BTAF1: variants seen among roughly 807,000 people sequenced by gnomAD.
BTAF1 encodes the protein TATA-binding protein-associated factor 172.
A neutral mutation model predicts 227.1 loss-of-function variants in BTAF1; 38 were observed. The observed-to-expected ratio is 0.17, with a 90% CI of 0.13 to 0.22. The LOEUF (loss-of-function observed/expected upper bound fraction) is 0.22, where lower values mean the gene tolerates loss of function less well. Among genes scored for constraint, BTAF1 ranks in the 10% least tolerant of loss-of-function variants. The pLI is 1.00. For synonymous variants in BTAF1, 742 were observed against 751.9 expected (o/e 0.99, Z 0.21); for missense variants, 1,598 against 2,204.0 (o/e 0.73, Z 5.51).
At chr10:91,987,347 G>T (rs1428948056) in intron 19 of BTAF1, among the ~76,000 whole-genome samples, 1 of 152,044 alleles carries the variant, frequency 6.6e-6, no homozygotes, top group Non-Finnish European at 1.5e-5. Context: ...GCCGGGCGTG[G>T]TGGTGGGTGC....
intron 4 of BTAF1, among the ~76,000 whole-genome samples, chr10:91,943,070 T>C (rs1445729558): frequency 6.6e-6 from 1 of 152,158 alleles, no homozygotes; most frequent in African/African-American, 2.4e-5. Flanking sequence ...TCCCAGCACT[T>C]TGAGAGGCCA....
At chr10:91,942,676 T>C in intron 4 of BTAF1, 108 bp downstream of exon 4, 4 of 1,283,692 alleles carry the variant, frequency 3.1e-6, no homozygotes, top group Non-Finnish European at 4.3e-6. Flanking sequence ...TCATGAAATG[T>C]AAATTAACTG....
Position 91,966,725 on chromosome 10 carries a change from ACT to A in BTAF1, c.1621_1622del (p.Leu541ValfsTer21). On this transcript the variant is annotated frameshift_variant, in exon 14 of 38. Transcript: ENST00000265990. LOFTEE classifies it high-confidence loss of function. ...ATCAGTTCGAAGAGCAGCATTGGAA[ACT>A]CTGTTTACGTTATTATCAACACAGG... ...ISSVRRAALE[T>X]LFTLLSTQDQ... 6.2e-7 allele frequency: 1 copy of A among 1,613,770 alleles called. No homozygotes were observed. The highest frequency in any genetic ancestry group is 8.5e-7 in the Non-Finnish European group (1 of 1,179,880).
chr10:91,938,078 G>A (rs1844755237), intron 2 of BTAF1, among the ~76,000 whole-genome samples: 1 of 152,152 alleles, frequency 6.6e-6, no homozygotes, highest in African/African-American at 2.4e-5. Context: ...AAGCAGAGAA[G>A]CAATACATTT....
intron 5 of BTAF1, among the ~76,000 whole-genome samples, chr10:91,951,952 T>A (rs1453662143): frequency 6.6e-6 from 1 of 152,076 alleles, no homozygotes; most frequent in Non-Finnish European, 1.5e-5. Flanking sequence ...TGTTATGATT[T>A]ATTCTTTTTT....
chr10:92,022,672 C>T (rs566191126), intron 34 of BTAF1, among the ~76,000 whole-genome samples: 1 of 152,252 alleles, frequency 6.6e-6, no homozygotes, highest in South Asian at 2.1e-4. Context: ...CCCACATTAG[C>T]ATCCCACAGT....
chr10:91,942,654 T>C (rs1019782952), intron 4 of BTAF1, 86 bp downstream of exon 4: 1 of 1,385,814 alleles, frequency 7.2e-7, no homozygotes, highest in Non-Finnish European at 9.9e-7. Flanking sequence ...TAGTCACACG[T>C]AAACTAACAT....
At chr10:92,004,474 G>A (rs947783418) in intron 25 of BTAF1, among the ~76,000 whole-genome samples, 1 of 151,994 alleles carries the variant, frequency 6.6e-6, no homozygotes, top group African/African-American at 2.4e-5. Flanking sequence ...ATTGTTTTGG[G>A]TTTTTGTTTT....
chr10:91,991,271 A>AATATATATATATATATATATATAT, intron 20 of BTAF1, among the ~76,000 whole-genome samples: 1 of 66,216 alleles, frequency 1.5e-5, no homozygotes, highest in East Asian at 9.1e-4. Context: ...TATAAATATA[A>AATATATATATATATATATATATAT]ATATATATAT....
chr10:91,923,998 C>G lies in BTAF1; in HGVS notation c.-79C>G, dbSNP rs958053684. ...TGTGCTCCGCGGCCTGGGCCTGCGC[C>G]GCTCAGCTCTCTGGAAACTAGCGCC... is the stretch of plus-strand genomic sequence containing the variant. On this transcript the variant is annotated 5_prime_UTR_variant, in exon 1 of 38. Coordinates refer to ENST00000265990, the MANE Select transcript of BTAF1 (RefSeq NM_003972.3). The G allele has an allele frequency of 1.1e-5, 17 of 1,546,828 alleles. No individual in the cohort carries two copies. The highest frequency in any genetic ancestry group is 2.0e-4 in the Middle Eastern group (1 of 5,032).
chr10:91,923,805 G>T lies in BTAF1; in HGVS notation c.-272G>T, dbSNP rs917831305. 2 of 405,522 alleles carry T rather than the reference G, an allele frequency of 4.9e-6. No homozygotes were observed. The highest frequency in any genetic ancestry group is 8.8e-6 in the Non-Finnish European group (2 of 228,190). 25.1% of individuals were successfully genotyped at this position (405,522 alleles called of 1,614,324 possible). The stretch of plus-strand genomic sequence containing the variant: ...GCCGACGCCCGCGTCAGCAAAGAGC[G>T]GAGCTGAGGGTACCCGGTTTGAAGT... On this transcript the variant is annotated 5_prime_UTR_variant, in exon 1 of 38. Coordinates refer to ENST00000265990, the MANE Select transcript of BTAF1 (RefSeq NM_003972.3).
At position 92,009,106 on chromosome 10, in the gene BTAF1, C is replaced by T. The variant is rs1456200547; in HGVS notation, c.4001C>T (p.Pro1334Leu). ...CMPLPSLVVC[P>L]PTLTGHWVDE... ...CCACTTCCTTCCTTAGTGGTTTGTC[C>T]GCCAACATTAACAGGCCATTGGGTG... Residue 1334 changes from proline to leucine, a missense_variant, in exon 28 of 38, where the codon CCG becomes CTG. Physicochemically the swap from Pro to Leu is moderately conservative, Grantham distance 98 (BLOSUM62 -3). This residue lies in a region of BTAF1 where 184 missense variants were observed against 341.1 expected (regional missense o/e 0.54). Transcript: ENST00000265990. 3.1e-6 allele frequency: 5 copies of T among 1,613,936 alleles called. No homozygotes were observed. Among genetic ancestry groups the T allele is most frequent in the Admixed American group, 3.3e-5 (2 of 59,994 alleles).
intron 14 of BTAF1, among the ~76,000 whole-genome samples, chr10:91,967,698 C>T (rs779503678): frequency 1.3e-5 from 2 of 152,206 alleles, no homozygotes; most frequent in Non-Finnish European, 2.9e-5. Context: ...TTACAGTTCT[C>T]AGTTGATCAA....
At chr10:91,964,575 T>G (rs1846747104) in intron 13 of BTAF1, among the ~76,000 whole-genome samples, 1 of 152,208 alleles carries the variant, frequency 6.6e-6, no homozygotes, top group Admixed American at 6.5e-5. Flanking sequence ...AGCTTTAAAT[T>G]TTCTAAAACT....
chr10:92,030,809 A>ATCTT lies in BTAF1; in HGVS notation c.*1878_*1881dup, dbSNP rs1851844837. Among the ~76,000 whole-genome samples the ATCTT allele has an allele frequency of 6.6e-6, 1 of 152,178 alleles. No homozygotes were observed. The highest frequency in any genetic ancestry group is 1.5e-5 in the Non-Finnish European group (1 of 68,012). On this transcript the variant is annotated 3_prime_UTR_variant, in exon 38 of 38. Transcript: ENST00000265990. ...GAGTGGCTATAACATTTTTAAAATAATCTTTTGAGTTGTAAAATAGTAAAT... is the reference window on the plus strand; with the variant it reads ...GAGTGGCTATAACATTTTTAAAATAATCTTTCTTTTGAGTTGTAAAATAGTAAAT...
At chr10:91,948,574 G>A (rs559455392) in intron 4 of BTAF1, among the ~76,000 whole-genome samples, 1 of 150,610 alleles carries the variant, frequency 6.6e-6, no homozygotes, top group Non-Finnish European at 1.5e-5. Context: ...AGAGATGGGG[G>A]TCTTGCTATG....
At chr10:91,964,694 C>T (rs1293603155) in intron 13 of BTAF1, among the ~76,000 whole-genome samples, 2 of 151,888 alleles carry the variant, frequency 1.3e-5, no homozygotes, top group East Asian at 3.8e-4. Flanking sequence ...ATATAATGTC[C>T]AAAGGCAGAG....
At chr10:91,962,748 A>T (rs1231843934) in intron 12 of BTAF1, 70 bp downstream of exon 12, 1 of 1,382,462 alleles carries the variant, frequency 7.2e-7, no homozygotes, top group African/African-American at 1.5e-5. Flanking sequence ...GTATTAGAAA[A>T]TACATTGTGT....
chr10:92,027,679 T>C (rs1314030406), intron 37 of BTAF1, among the ~76,000 whole-genome samples: 1 of 152,124 alleles, frequency 6.6e-6, no homozygotes, highest in African/African-American at 2.4e-5. Context: ...GGTTGTGATG[T>C]AAGATTATAT....
Sources: allele counts gnomAD v4.1 joint callset (sites outside exome capture counted in the v4.1 genomes callset), GRCh38; gene constraint gnomAD v4.1.1; regional missense constraint gnomAD v4.1.1; transcripts MANE v1.5; gene names NCBI Gene and HGNC (gene_info 2026-07-23, HGNC 2026-07-21).